The following SLC5A10 variants were observed in gnomAD, a reference collection of about 807,000 sequenced individuals.
The protein encoded by SLC5A10 is solute carrier family 5 member 10, also known as sodium/mannose cotransporter SLC5A10.
Under a neutral mutation model 68.9 loss-of-function variants are expected in SLC5A10, and 55 were observed. That is an observed-to-expected ratio of 0.80 (90% CI 0.64 to 1.00). The LOEUF is 1.00. Ranked by LOEUF, SLC5A10 falls within the 50% of genes least tolerant of loss-of-function variation. The pLI is 0.00. For missense variants in SLC5A10, 732 were observed against 819.3 expected (o/e 0.89, Z 1.30); for synonymous variants, 344 against 344.8 (o/e 1.00, Z 0.02).
rs1185488374 is a variant in SLC5A10, at chr17:18,996,344, T to C, written c.983-17066T>C. On this transcript the variant is annotated intron_variant, in intron 9 of 14. Transcript: ENST00000395645. This position sits in a 1 kb window ranked among gnomAD's most constrained non-coding sequence, Gnocchi z 4.4. The stretch of plus-strand genomic sequence containing the variant: ...GCACCTCAGTTTTTCTATCATGACA[T>C]GGTCCCACTCCCCCTCCCCTCCTCC... Among the ~76,000 whole-genome samples, 2 of 152,012 alleles carry C rather than the reference T, an allele frequency of 1.3e-5. No homozygotes were observed. Among genetic ancestry groups the C allele is most frequent in the African/African-American group, 4.8e-5 (2 of 41,382 alleles).
chr17:19,015,340 C>G (rs2044117835), intron 11 of SLC5A10, 141 bp downstream of exon 11: 2 of 611,036 alleles, frequency 3.3e-6, no homozygotes. Flanking sequence ...CCAGTGTACC[C>G]CATCCATACC....
upstream of SLC5A10, among the ~76,000 whole-genome samples, chr17:18,951,092 C>A (rs2042361705): frequency 6.6e-6 from 1 of 152,236 alleles, no homozygotes; most frequent in African/African-American, 2.4e-5. Context: ...CCAGCGTGTT[C>A]CTGGTGGCAG....
chr17:18,995,281 T>C (rs1371567436), intron 9 of SLC5A10, among the ~76,000 whole-genome samples: 1 of 152,176 alleles, frequency 6.6e-6, no homozygotes, highest in East Asian at 1.9e-4. Context: ...GGTAGAGATG[T>C]GGAAGCTTTT....
rs1052552401 is a variant in SLC5A10 at position 19,003,194 on chromosome 17, G to T, written c.983-10216G>T. 3.3e-5 allele frequency among the ~76,000 whole-genome samples: 5 copies of T among 150,556 alleles called. No individual in the cohort carries two copies. Among genetic ancestry groups the T allele is most frequent in the Non-Finnish European group, 5.9e-5 (4 of 67,630 alleles). ...CCACTCTAAGGGAGAGTGAGAGGAAGCCCTGGGGTTCCTCCCCTCCCCACT... is the reference window on the plus strand; with the variant it reads ...CCACTCTAAGGGAGAGTGAGAGGAATCCCTGGGGTTCCTCCCCTCCCCACT... On this transcript the variant is annotated intron_variant, in intron 9 of 14. Transcript: ENST00000395645. This position sits in a 1 kb window ranked among gnomAD's most constrained non-coding sequence, Gnocchi z 4.5.
chr17:19,007,324 C>T (rs1321828431), intron 9 of SLC5A10, among the ~76,000 whole-genome samples: 1 of 151,754 alleles, frequency 6.6e-6, no homozygotes, highest in Non-Finnish European at 1.5e-5. Context: ...TTGTCTTTTC[C>T]TTTGAAACAT....
rs777696794 is a variant in SLC5A10 at position 18,960,567 on chromosome 17, A to G, written c.368A>G (p.Tyr123Cys). The change falls in exon 5 of 15, where the codon TAC (tyrosine) becomes TGC (cysteine). Residue 123 changes from tyrosine (Y) to cysteine (C), a missense_variant. Physicochemically the swap from Tyr to Cys is radical, Grantham distance 194 (BLOSUM62 -2). Coordinates refer to ENST00000395645, the MANE Select transcript of SLC5A10 (RefSeq NM_001042450.4). ...ISSEIVTLPE[Y>C]IQKRYGGQRI... is the part of the protein sequence containing the mutation. ...TCCCAGATCGTCACCTTACCTGAGT[A>G]CATTCAGAAGCGCTACGGGGGCCAG... 4.3e-6 allele frequency: 7 copies of G among 1,614,078 alleles called. No homozygotes were observed. The highest frequency in any genetic ancestry group is 1.7e-5 in the Admixed American group (1 of 60,018).
rs118106950 is a variant in SLC5A10, at chr17:19,000,036, C to T, written c.983-13374C>T. ...GAAGCCCCAACCCAGCCCAGCCTCA[C>T]GCCTTCTCAGGCTGCAGCCAAGTGA... On this transcript the variant is annotated intron_variant, in intron 9 of 14. Transcript: ENST00000395645. This position sits in a 1 kb window ranked among gnomAD's most constrained non-coding sequence, Gnocchi z 5.2. 8.4e-4 allele frequency among the ~76,000 whole-genome samples: 128 copies of T among 152,370 alleles called. No homozygotes were observed. Among genetic ancestry groups the T allele is most frequent in the Non-Finnish European group, 1.4e-3 (97 of 68,034 alleles).
At chr17:19,013,989 C>T (rs1242004383) in intron 10 of SLC5A10, among the ~76,000 whole-genome samples, 1 of 152,178 alleles carries the variant, frequency 6.6e-6, no homozygotes, top group East Asian at 1.9e-4. Context: ...ATTTGACTCA[C>T]TTTCCTTTGG....
intron 9 of SLC5A10, among the ~76,000 whole-genome samples, chr17:19,009,315 C>T (rs2043965362): frequency 6.6e-6 from 1 of 152,142 alleles, no homozygotes; most frequent in Non-Finnish European, 1.5e-5. Flanking sequence ...CCTCAGCCTC[C>T]CGAATAGCTG....
At chr17:18,951,878 G>T, upstream of SLC5A10, 1 of 308,614 alleles carries the variant, frequency 3.2e-6, no homozygotes, top group East Asian at 7.6e-5. Flanking sequence ...GCCTTTCTGG[G>T]ACTATTTGGG....
chr17:18,998,300 C>G (rs1035947222), intron 9 of SLC5A10, among the ~76,000 whole-genome samples: 2 of 152,246 alleles, frequency 1.3e-5, no homozygotes, highest in African/African-American at 4.8e-5. Context: ...GGCCTGATCC[C>G]CATTTTACAA....
chr17:18,967,344 A>G (rs980448759), intron 5 of SLC5A10, among the ~76,000 whole-genome samples: 1 of 152,080 alleles, frequency 6.6e-6, no homozygotes, highest in African/African-American at 2.4e-5. Context: ...CCGTGGAAGG[A>G]AGGGCAGGAA....
intron 9 of SLC5A10, among the ~76,000 whole-genome samples, chr17:18,993,008 C>T (rs1250408958): frequency 1.3e-5 from 2 of 152,178 alleles, no homozygotes; most frequent in Non-Finnish European, 1.5e-5. Flanking sequence ...GAAGTGCCCT[C>T]GCAGGACGAG....
rs928994099 is a variant in SLC5A10, at chr17:18,958,847, C to A, written c.183+94C>A. The A allele has an allele frequency of 1.8e-5, 26 of 1,438,878 alleles. No individual in the cohort carries two copies. The Admixed American group carries it at 4.0e-4, about 22-fold the overall frequency. 89.1% of individuals were successfully genotyped at this position (1,438,878 alleles called of 1,614,324 possible). A position where few individuals can be genotyped will look rare whatever the true frequency, so the allele number is the denominator to read the frequency against. ...CTGGCATCTGTATCTTTGAGCCAGT[C>A]CAATTCAGTGGAGCAGGCCGGAGGC... On this transcript the variant is annotated intron_variant, in intron 2 of 14. Transcript: ENST00000395645.
At chr17:18,992,871 T>C (rs1322184144) in intron 9 of SLC5A10, among the ~76,000 whole-genome samples, 1 of 152,136 alleles carries the variant, frequency 6.6e-6, no homozygotes, top group Non-Finnish European at 1.5e-5. Flanking sequence ...GAAGTGCTGG[T>C]GGCCGCCCTC....
At chr17:18,977,018 G>C in intron 9 of SLC5A10, 29 bp downstream of exon 9, 1 of 1,607,598 alleles carries the variant, frequency 6.2e-7, no homozygotes, top group Non-Finnish European at 8.5e-7. Flanking sequence ...ACTGAACCCA[G>C]GCTGCAGGGC....
In SLC5A10 at chr17:18,979,822, G is replaced by A. The variant is rs2043083623; in HGVS notation, c.982+2833G>A. 27 of 872,308 alleles carry A rather than the reference G, an allele frequency of 3.1e-5. No homozygotes were observed. The South Asian group carries it at 4.2e-4, about 13-fold the overall frequency. 54.0% of individuals were successfully genotyped at this position (872,308 alleles called of 1,614,324 possible). On this transcript the variant is annotated intron_variant, in intron 9 of 14. Coordinates refer to ENST00000395645, the MANE Select transcript of SLC5A10 (RefSeq NM_001042450.4). ...GCTGTAAGGCCTGGAGAAAGGGGCT[G>A]GTGTGTCTGGGACTGCAGGGCTCAG...
intron 5 of SLC5A10, among the ~76,000 whole-genome samples, chr17:18,963,339 G>C (rs1190480951): frequency 6.6e-6 from 1 of 152,194 alleles, no homozygotes; most frequent in Non-Finnish European, 1.5e-5. Flanking sequence ...CACCACAAGA[G>C]GCCCAACCTC....
rs1251998396 is a variant in SLC5A10, at chr17:18,971,815, TG to T, written c.846+598del. 1.3e-6 allele frequency: 2 copies of T among 1,497,394 alleles called. No individual in the cohort carries two copies. The highest frequency in any genetic ancestry group is 1.8e-6 in the Non-Finnish European group (2 of 1,121,104). The allele number at this position is 1,497,394 out of a possible 1,614,324, so 92.8% of individuals were successfully genotyped here. On this transcript the variant is annotated intron_variant, in intron 8 of 14. Transcript: ENST00000395645. This position sits in a 1 kb window ranked among gnomAD's most constrained non-coding sequence, Gnocchi z 5.5. ...CCAACCCCGCCCCAGCACAGGACCCTGCTCAGGCACACAGGAGCCGGCAGGC... is the reference window on the plus strand; with the variant it reads ...CCAACCCCGCCCCAGCACAGGACCCTCTCAGGCACACAGGAGCCGGCAGGC...
Sources: gnomAD v4.1 joint callset for allele counts (sites outside exome capture counted in the v4.1 genomes callset) on GRCh38, gnomAD v4.1.1 for gene constraint, Gnocchi (gnomAD v3.1) non-coding constraint, MANE v1.5 for transcripts, NCBI Gene and HGNC (gene_info 2026-07-23, HGNC 2026-07-21) for gene names.